Variants in NDUFAF1 observed in about 807,000 individuals in gnomAD.
NDUFAF1 encodes the protein complex I intermediate-associated protein 30, mitochondrial.
In NDUFAF1, 18 loss-of-function variants were observed where a neutral mutation model predicts 28.7. The observed-to-expected ratio is 0.63, with a 90% CI of 0.43 to 0.93. NDUFAF1 has a LOEUF of 0.93. NDUFAF1 is among the 40% of genes least tolerant of loss of function. NDUFAF1 has a pLI of 0.00. For missense variants in NDUFAF1, 404 were observed against 398.3 expected, an observed-to-expected ratio of 1.01 and a Z score of -0.12; for synonymous variants, 113 against 139.7, an observed-to-expected ratio of 0.81 and a Z score of 1.35.
In NDUFAF1 at chr15:41,397,001, G is replaced by A. The variant is rs2050398464; in HGVS notation, c.59C>T (p.Pro20Leu). 1 of 1,612,636 alleles carries A rather than the reference G, an allele frequency of 6.2e-7. No homozygotes were observed. The highest frequency in any genetic ancestry group is 1.1e-5 in the South Asian group (1 of 90,960). ...CAAAAATGGATACAAGGCAGAAGTT[G>A]GCTTAGAGAATTTTCTGAGAAAATA... ...GTYFLRKFSK[P>L]TSALYPFLGI... The change falls in exon 2 of 5, where the codon CCA becomes CTA. Residue 20 changes from proline to leucine, a missense_variant. Physicochemically the swap from Pro to Leu is moderately conservative, Grantham distance 98. Transcript: ENST00000260361.
intron 3 of NDUFAF1, chr15:41,394,200 G>A (rs1352630045): frequency 1.1e-5 from 5 of 469,754 alleles, no homozygotes; most frequent in Non-Finnish European, 1.7e-5. Context: ...AGCTAATTTT[G>A]TATTTTTTTT....
At chr15:41,395,856 G>T (rs2050379690) in intron 2 of NDUFAF1, among the ~76,000 whole-genome samples, 1 of 151,696 alleles carries the variant, frequency 6.6e-6, no homozygotes, top group Non-Finnish European at 1.5e-5. Context: ...GAGGCCAAGG[G>T]TGGGGTGGAT....
intron 3 of NDUFAF1, 22 bp downstream of exon 3, chr15:41,394,837 C>T: frequency 6.2e-7 from 1 of 1,611,844 alleles, no homozygotes; most frequent in South Asian, 1.1e-5. Flanking sequence ...TTTTTATAAA[C>T]AATGAAGATT....
Position 41,387,399 on chromosome 15 carries a change from A to C in NDUFAF1, c.*45T>G, listed in dbSNP as rs201360355. 4.2e-5 allele frequency: 65 copies of C among 1,556,606 alleles called. No homozygotes were observed. The Admixed American group carries it at 7.9e-4, about 19-fold the overall frequency. On this transcript the variant is annotated 3_prime_UTR_variant, in exon 5 of 5. Coordinates refer to ENST00000260361, the MANE Select transcript of NDUFAF1 (RefSeq NM_016013.4). ...TTTTATTTTGTCTATATCATTGTAG[A>C]TGCTAGTACCCTTAGATTAGTAAAA...
chr15:41,395,560 C>T (rs1347096748), intron 2 of NDUFAF1, among the ~76,000 whole-genome samples: 22 of 150,558 alleles, frequency 1.5e-4, no homozygotes, highest in Admixed American at 6.0e-4. Context: ...TTAGTAGAGA[C>T]GGGGTTTCAC....
intron 1 of NDUFAF1, among the ~76,000 whole-genome samples, chr15:41,397,424 A>AT (rs1023179561): frequency 2.2e-4 from 33 of 152,090 alleles, no homozygotes; most frequent in Middle Eastern, 3.4e-3. Context: ...TAATTTTTAA[A>AT]TTTTTTGTAG....
chr15:41,390,888 TG>T lies in NDUFAF1; in HGVS notation c.760-2367del, dbSNP rs540659194. On this transcript the variant is annotated intron_variant, in intron 3 of 4. Coordinates refer to ENST00000260361, the MANE Select transcript of NDUFAF1 (RefSeq NM_016013.4). ...TCTACTAAAAATACAAAAAATTAGC[TG>T]GGCGTGGTGGTGGGCACCTGCAGTC... Among the ~76,000 whole-genome samples the T allele has an allele frequency of 2.5e-3, 381 of 150,622 alleles. 1 individual carries two copies. The highest frequency in any genetic ancestry group is 8.6e-3 in the African/African-American group (350 of 40,908).
At position 41,394,920 on chromosome 15, in the gene NDUFAF1, G is replaced by A. The variant is rs138419254; in HGVS notation, c.698C>T (p.Thr233Met). The change falls in exon 3 of 5, where the codon ACG becomes ATG. Residue 233 changes from threonine to methionine, a missense_variant. Coordinates refer to ENST00000260361, the MANE Select transcript of NDUFAF1 (RefSeq NM_016013.4). ...CATGAAGTAACTATACATCTGATTCGTCCTCTGGAAGAAATCTGTGTCCTC... is the reference window on the plus strand; with the variant it reads ...CATGAAGTAACTATACATCTGATTCATCCTCTGGAAGAAATCTGTGTCCTC... ...IKEDTDFFQR[T>M]NQMYSYFMFT... The A allele has an allele frequency of 4.6e-5, 74 of 1,613,998 alleles. No homozygotes were observed. The East Asian group carries it at 6.9e-4, about 15-fold the overall frequency.
At chr15:41,387,727 A>T in intron 4 of NDUFAF1, 134 bp from the exon 5 acceptor site, 1 of 690,234 alleles carries the variant, frequency 1.4e-6, no homozygotes, top group South Asian at 1.7e-5. Context: ...AATACTACTA[A>T]TTCTCCCATA....
At position 41,393,121 on chromosome 15, in the gene NDUFAF1, G is replaced by GTT. The variant is rs763641971; in HGVS notation, c.759+1736_759+1737dup. 7.4e-4 allele frequency among the ~76,000 whole-genome samples: 92 copies of GTT among 123,920 alleles called. 1 individual carries two copies. Among genetic ancestry groups the GTT allele is most frequent in the Middle Eastern group, 3.9e-3 (1 of 258 alleles). 81.3% of individuals were successfully genotyped at this position (123,920 alleles called of 152,430 possible). A position where few individuals can be genotyped will look rare whatever the true frequency, so the allele number is the denominator to read the frequency against. On this transcript the variant is annotated intron_variant, in intron 3 of 4. Coordinates refer to ENST00000260361, the MANE Select transcript of NDUFAF1 (RefSeq NM_016013.4). ...AGCAAAATGGGGACTTTCTTGTTGA[G>GTT]TTTTTTTTTTTTTTTTTTTTTGAGA...
At chr15:41,392,700 T>A (rs182618718) in intron 3 of NDUFAF1, among the ~76,000 whole-genome samples, 23 of 152,290 alleles carry the variant, frequency 1.5e-4, no homozygotes, top group African/African-American at 5.5e-4. Flanking sequence ...CCTGCAGAAC[T>A]GTGAGTCAAT....
chr15:41,388,035 G>A (rs8034840), intron 4 of NDUFAF1, among the ~76,000 whole-genome samples: 30,541 of 152,042 alleles, frequency 0.2, 3,466 homozygotes, highest in Non-Finnish European at 0.25. Context: ...GCTTGAACCC[G>A]GGAGGTAGAG....
intron 1 of NDUFAF1, among the ~76,000 whole-genome samples, chr15:41,400,918 G>A (rs766638000): frequency 2.0e-5 from 3 of 151,078 alleles, no homozygotes; most frequent in South Asian, 2.1e-4. Context: ...AGTCAGATAC[G>A]TATTTCCTTT....
At chr15:41,388,591 C>T (rs992572495) in intron 3 of NDUFAF1, 69 bp from the exon 4 acceptor site, 35 of 992,268 alleles carry the variant, frequency 3.5e-5, no homozygotes, top group Admixed American at 1.2e-4. Context: ...GTAATTGTAA[C>T]GATAAAATGA....
intron 3 of NDUFAF1, among the ~76,000 whole-genome samples, chr15:41,392,322 T>C (rs181494818): frequency 7.9e-5 from 12 of 152,116 alleles, no homozygotes; most frequent in Non-Finnish European, 7.4e-5. Context: ...GATCTGCCCA[T>C]CTCAGCCTCC....
chr15:41,390,796 G>A (rs1566821703), intron 3 of NDUFAF1, among the ~76,000 whole-genome samples: 1 of 151,910 alleles, frequency 6.6e-6, no homozygotes, highest in Non-Finnish European at 1.5e-5. Flanking sequence ...ACTTTGGGAG[G>A]CCGAGGTGGG....
At chr15:41,395,209 A>C (rs575375589) in intron 2 of NDUFAF1, among the ~76,000 whole-genome samples, 165 bp from the exon 3 acceptor site, 1 of 152,294 alleles carries the variant, frequency 6.6e-6, no homozygotes, top group South Asian at 2.1e-4. Flanking sequence ...AGCACAAAAT[A>C]CTGACATAGT....
intron 1 of NDUFAF1, among the ~76,000 whole-genome samples, chr15:41,398,682 C>T (rs2050423067): frequency 6.6e-6 from 1 of 151,890 alleles, no homozygotes; most frequent in Non-Finnish European, 1.5e-5. Flanking sequence ...TGGCCGGGTG[C>T]CGTGCATCAC....
At chr15:41,394,018 ACTT>A in intron 3 of NDUFAF1, 1 of 200,770 alleles carries the variant, frequency 5.0e-6, no homozygotes, top group South Asian at 3.2e-5. Context: ...CTAGGACACT[ACTT>A]TTTTTTTTTT....
Sources: allele counts gnomAD v4.1 joint callset (sites outside exome capture counted in the v4.1 genomes callset), GRCh38; gene constraint gnomAD v4.1.1; transcripts MANE v1.5; gene names NCBI Gene and HGNC (gene_info 2026-07-23, HGNC 2026-07-21).